SAMD13: variants seen among roughly 807,000 people sequenced by gnomAD.
SAMD13 encodes the protein sterile alpha motif domain-containing protein 13.
SAMD13 carries 9 observed loss-of-function variants against 12.4 expected under a neutral mutation model. The observed-to-expected ratio is 0.72, with a 90% CI of 0.44 to 1.26. SAMD13 has a LOEUF of 1.26. Ranked by LOEUF, SAMD13 falls within the 50% of genes most tolerant of loss-of-function variation. The pLI is 0.00. For synonymous variants in SAMD13, 46 were observed against 45.4 expected, an observed-to-expected ratio of 1.01 and a Z score of -0.05; for missense variants, 84 against 119.6, an observed-to-expected ratio of 0.70 and a Z score of 1.39.
chr1:84,335,219 G>A (rs1202138669), intron 3 of SAMD13, among the ~76,000 whole-genome samples: 1 of 151,960 alleles, frequency 6.6e-6, no homozygotes, highest in Non-Finnish European at 1.5e-5. Flanking sequence ...TATGAATCTG[G>A]GTGCTCCTGT....
chr1:84,330,564 C>T (rs1343063015), intron 3 of SAMD13, among the ~76,000 whole-genome samples: 3 of 152,160 alleles, frequency 2.0e-5, no homozygotes, highest in Non-Finnish European at 2.9e-5. Context: ...GCTAAATGAG[C>T]AGCATTCTCT....
At chr1:84,334,458 T>C (rs910851857) in intron 3 of SAMD13, among the ~76,000 whole-genome samples, 2 of 152,168 alleles carry the variant, frequency 1.3e-5, no homozygotes, top group Admixed American at 1.3e-4. Flanking sequence ...TTCTTCTTTA[T>C]TAGTCTAGCT....
upstream of SAMD13, chr1:84,299,496 A>G: frequency 1.4e-6 from 1 of 698,076 alleles, no homozygotes; most frequent in Non-Finnish European, 2.0e-6. Flanking sequence ...CACACCACAT[A>G]CACACACACC....
chr1:84,342,961 A>C (rs188786611), intron 3 of SAMD13, among the ~76,000 whole-genome samples: 1 of 152,334 alleles, frequency 6.6e-6, no homozygotes, highest in Non-Finnish European at 1.5e-5. Context: ...TCTCCATCTG[A>C]CAAAGGTCTA....
intron 3 of SAMD13, among the ~76,000 whole-genome samples, chr1:84,339,131 A>G (rs1679367182): frequency 6.6e-6 from 1 of 152,182 alleles, no homozygotes; most frequent in Non-Finnish European, 1.5e-5. Flanking sequence ...ATTCTGACTT[A>G]TATGTCTGTC....
In SAMD13 at chr1:84,331,354, A is replaced by AAAAAAAAAAAAAAAAAAAAAAAATAC. The variant is rs553761794; in HGVS notation, c.165+5610_165+5611insAAAAAAAAAAAAAAAAAAATACAAAA. On this transcript the variant is annotated intron_variant, in intron 3 of 3. Transcript: ENST00000394834. ...AAAAAAAAAAAAAAAAAAAAAAAAA[A>AAAAAAAAAAAAAAAAAAAAAAAATAC]AAAATTATGGATACAAACTTGTTAA... is the stretch of plus-strand genomic sequence containing the variant. Among the ~76,000 whole-genome samples the AAAAAAAAAAAAAAAAAAAAAAAATAC allele has an allele frequency of 4.9e-5, 4 of 82,432 alleles. 2 individuals are homozygous for AAAAAAAAAAAAAAAAAAAAAAAATAC. Among genetic ancestry groups the AAAAAAAAAAAAAAAAAAAAAAAATAC allele is most frequent in the African/African-American group, 1.7e-4 (4 of 23,228 alleles). 54.1% of individuals were successfully genotyped at this position (82,432 alleles called of 152,430 possible).
chr1:84,316,651 G>A (rs1171099495), intron 2 of SAMD13, among the ~76,000 whole-genome samples: 18 of 152,066 alleles, frequency 1.2e-4, no homozygotes, highest in Non-Finnish European at 5.9e-5. Context: ...ATCAGGAAGT[G>A]TGTTGCCTCC....
At chr1:84,328,482 G>A (rs1469231202) in intron 3 of SAMD13, among the ~76,000 whole-genome samples, 2 of 152,126 alleles carry the variant, frequency 1.3e-5, no homozygotes, top group African/African-American at 4.8e-5. Context: ...AGTCTGCCTT[G>A]AATTTGTCTC....
upstream of SAMD13, chr1:84,299,550 G>A: frequency 2.8e-6 from 4 of 1,430,754 alleles, no homozygotes; most frequent in South Asian, 4.4e-5. Context: ...ACCACATAGT[G>A]CACACATCAC....
chr1:84,321,460 G>A (rs1034050093), intron 2 of SAMD13, among the ~76,000 whole-genome samples: 6 of 152,046 alleles, frequency 3.9e-5, no homozygotes, highest in Admixed American at 2.0e-4. Context: ...TATGACGTTA[G>A]TGAATAATAA....
In SAMD13 at chr1:84,325,664, T is replaced by C. The variant is rs1679042225; in HGVS notation, c.81T>C (p.Asp27=). ...KNSMENGRPP[D]PADWAVMDVV... is the part of the protein sequence containing the mutation. ...CCATGGAAAATGGGAGACCACCTGA[T>C]CCTGCAGACTGGGCCGTGATGGATG... is the stretch of plus-strand genomic sequence containing the variant. Residue 27 remains aspartate, a synonymous_variant, in exon 3 of 4, where the codon GAT becomes GAC. Transcript: ENST00000394834. 1.2e-6 allele frequency: 2 copies of C among 1,613,096 alleles called. No individual in the cohort carries two copies. Among genetic ancestry groups the C allele is most frequent in the African/African-American group, 2.7e-5 (2 of 74,976 alleles).
chr1:84,308,667 A>G (rs993469260), intron 2 of SAMD13, among the ~76,000 whole-genome samples: 1 of 152,198 alleles, frequency 6.6e-6, no homozygotes, highest in African/African-American at 2.4e-5. Flanking sequence ...TTCTTTATAT[A>G]TCATAGAAGA....
chr1:84,300,795 C>T (rs572922921), upstream of SAMD13, among the ~76,000 whole-genome samples: 1 of 152,162 alleles, frequency 6.6e-6, no homozygotes, highest in Non-Finnish European at 1.5e-5. Flanking sequence ...TGCCCAGCCT[C>T]TCTGCTCCAC....
upstream of SAMD13, among the ~76,000 whole-genome samples, chr1:84,301,446 A>G (rs1267899301): frequency 6.6e-6 from 1 of 152,260 alleles, no homozygotes; most frequent in African/African-American, 2.4e-5. Context: ...GGAGAAAATA[A>G]GAAGCTATTG....
chr1:84,339,742 T>A (rs1017879445), intron 3 of SAMD13, among the ~76,000 whole-genome samples: 1 of 151,872 alleles, frequency 6.6e-6, no homozygotes, highest in Admixed American at 6.6e-5. Context: ...GAGGAGTGAG[T>A]GGGAGGCAGG....
chr1:84,301,760 T>C lies in SAMD13; in HGVS notation c.-74T>C. 1.0e-6 allele frequency: 1 copy of C among 985,464 alleles called. No individual in the cohort carries two copies. The highest frequency in any genetic ancestry group is 1.2e-6 in the Non-Finnish European group (1 of 829,920). The allele number at this position is 985,464 out of a possible 1,614,324, so 61.0% of individuals were successfully genotyped here. A position where few individuals can be genotyped will look rare whatever the true frequency, so the allele number is the denominator to read the frequency against. ...AACATTGGGGTTTCTTTGGCTGTTC[T>C]TGATAAGCCTATAAAAAATGATATT... On this transcript the variant is annotated 5_prime_UTR_variant, in exon 1 of 4. Transcript: ENST00000394834.
At chr1:84,309,368 A>G (rs1007819379) in intron 2 of SAMD13, among the ~76,000 whole-genome samples, 5 of 152,208 alleles carry the variant, frequency 3.3e-5, no homozygotes, top group African/African-American at 1.2e-4. Context: ...GAAAAGGATA[A>G]TTGAGACACA....
chr1:84,307,688 C>T (rs1035734618), intron 2 of SAMD13, among the ~76,000 whole-genome samples: 1 of 152,110 alleles, frequency 6.6e-6, no homozygotes, highest in Non-Finnish European at 1.5e-5. Context: ...TATTAAGTCA[C>T]TAGAAATAGT....
At chr1:84,312,763 T>C (rs1678742534) in intron 2 of SAMD13, among the ~76,000 whole-genome samples, 3 of 152,142 alleles carry the variant, frequency 2.0e-5, no homozygotes. Flanking sequence ...CCACTTCAAG[T>C]TTTTACATTG....
Sources: allele counts gnomAD v4.1 joint callset (sites outside exome capture counted in the v4.1 genomes callset), GRCh38; gene constraint gnomAD v4.1.1; transcripts MANE v1.5; gene names NCBI Gene and HGNC (gene_info 2026-07-23, HGNC 2026-07-21).